Variants in PAIP2 observed in about 807,000 individuals in gnomAD.
PAIP2 encodes poly(A) binding protein interacting protein 2, also known as polyadenylate-binding protein-interacting protein 2.
Under a neutral mutation model 14.8 loss-of-function variants are expected in PAIP2, and 7 were observed. The ratio of observed to expected loss-of-function variants is 0.47; its 90% confidence interval spans 0.27 to 0.89. The LOEUF (loss-of-function observed/expected upper bound fraction) is 0.89, where lower values mean the gene tolerates loss of function less well. PAIP2 is among the 40% of genes least tolerant of loss of function. The probability of loss-of-function intolerance (pLI) is 0.13; values close to 1 mark genes in which losing one functional copy is unlikely to be tolerated. For synonymous variants in PAIP2, 47 were observed against 45.3 expected, an observed-to-expected ratio of 1.04 and a Z score of -0.15; for missense variants, 122 against 154.7, an observed-to-expected ratio of 0.79 and a Z score of 1.12.
intron 1 of PAIP2, among the ~76,000 whole-genome samples, chr5:139,343,746 C>T (rs1002729401): frequency 7.3e-6 from 1 of 136,802 alleles, no homozygotes; most frequent in Admixed American, 7.8e-5. Flanking sequence ...GAGTCTCACT[C>T]TGTCGCCAGG....
At chr5:139,350,399 G>A (rs745547697) in intron 1 of PAIP2, among the ~76,000 whole-genome samples, 3 of 152,048 alleles carry the variant, frequency 2.0e-5, no homozygotes, top group Non-Finnish European at 4.4e-5. Flanking sequence ...TTGGGAGGCC[G>A]AGGTGGGCGG....
chr5:139,356,802 G>T (rs972553632), intron 1 of PAIP2, among the ~76,000 whole-genome samples: 1 of 150,052 alleles, frequency 6.7e-6, no homozygotes, highest in Non-Finnish European at 1.5e-5. Flanking sequence ...CAGGAGAATC[G>T]CTTGAACCCG....
chr5:139,350,489 G>A (rs1380608323), intron 1 of PAIP2, among the ~76,000 whole-genome samples: 2 of 151,874 alleles, frequency 1.3e-5, no homozygotes, highest in African/African-American at 4.8e-5. Flanking sequence ...AAATTAGTGT[G>A]TCATGGTGGC....
rs556352094 is a variant in PAIP2, at chr5:139,368,972, C to T, written c.*174C>T. The T allele has an allele frequency of 9.9e-6, 5 of 506,278 alleles. No individual in the cohort carries two copies. Among genetic ancestry groups the T allele is most frequent in the Non-Finnish European group, 1.4e-5 (4 of 280,070 alleles). The allele number at this position is 506,278 out of a possible 1,614,324, so 31.4% of individuals were successfully genotyped here. A position where few individuals can be genotyped will look rare whatever the true frequency, so the allele number is the denominator to read the frequency against. On this transcript the variant is annotated 3_prime_UTR_variant, in exon 4 of 4. Coordinates refer to ENST00000265192, the MANE Select transcript of PAIP2 (RefSeq NM_016480.5). Reference sequence around the variant, plus strand: ...GCTGAGACTGTTACTAAGTAAAAAGCTGTCAAACATTTACTGAAAATAGAA... The same window carrying T: ...GCTGAGACTGTTACTAAGTAAAAAGTTGTCAAACATTTACTGAAAATAGAA...
At chr5:139,368,658 TGCA>T in intron 3 of PAIP2, 72 bp from the exon 4 acceptor site, 1 of 982,418 alleles carries the variant, frequency 1.0e-6, no homozygotes, top group Non-Finnish European at 1.6e-6. Flanking sequence ...AAGATGTTTT[TGCA>T]TGAGGATCTA....
chr5:139,363,112 G>A (rs1201293776), intron 1 of PAIP2, among the ~76,000 whole-genome samples: 2 of 151,954 alleles, frequency 1.3e-5, no homozygotes, highest in Admixed American at 6.6e-5. Context: ...ATGGTAGCAC[G>A]TGCCTGTAAT....
chr5:139,348,892 TCTTGAA>T (rs1414287765), intron 1 of PAIP2, among the ~76,000 whole-genome samples: 4 of 149,274 alleles, frequency 2.7e-5, no homozygotes, highest in Non-Finnish European at 5.9e-5. Flanking sequence ...GCCAGGCTAG[TCTTGAA>T]CTCCTGACCT....
chr5:139,346,150 C>A (rs1486344886), intron 1 of PAIP2, among the ~76,000 whole-genome samples: 1 of 152,156 alleles, frequency 6.6e-6, no homozygotes, highest in Non-Finnish European at 1.5e-5. Context: ...GGCAGTAGTA[C>A]TGGGAAAAAA....
rs571975758 is a variant in PAIP2 at position 139,347,040 on chromosome 5, C to G, written c.-27+5060C>G. On this transcript the variant is annotated intron_variant, in intron 1 of 3. Transcript: ENST00000265192. ...CCAGGGCCGGTCTCAAACTCCTCAC[C>G]TCAAGTGATCCACCTCCCTTGGCCT... Among the ~76,000 whole-genome samples the G allele has an allele frequency of 6.6e-5, 10 of 152,148 alleles. No individual in the cohort carries two copies. In the South Asian group the frequency reaches 2.1e-3, roughly 32 times the overall value.
chr5:139,363,729 G>A, intron 1 of PAIP2, 30 bp from the exon 2 acceptor site: 6 of 1,591,350 alleles, frequency 3.8e-6, no homozygotes, highest in Non-Finnish European at 5.1e-6. Context: ...GAATGAGTAA[G>A]TAAATTAACT....
In PAIP2 at chr5:139,364,629, A is replaced by G; in HGVS notation, c.204A>G (p.Glu68=). Residue 68 remains glutamate (E), a synonymous_variant, in exon 3 of 4, where the codon GAA becomes GAG. Coordinates refer to ENST00000265192, the MANE Select transcript of PAIP2 (RefSeq NM_016480.5). ...GTTTCCAAGAAATGCTGGAAGAGGA[A>G]GAAGAGCATGAATGGTTTATTCCAG... ...ERCFQEMLEE[E]EEHEWFIPAR... 6.2e-7 allele frequency: 1 copy of G among 1,611,458 alleles called. No homozygotes were observed. The highest frequency in any genetic ancestry group is 8.5e-7 in the Non-Finnish European group (1 of 1,177,592).
chr5:139,352,277 A>G (rs1418019750), intron 1 of PAIP2, among the ~76,000 whole-genome samples: 1 of 100,298 alleles, frequency 1.0e-5, no homozygotes, highest in African/African-American at 2.6e-5. Flanking sequence ...TTTAATGACT[A>G]CTAGATACAT....
chr5:139,351,351 G>A (rs920424760), intron 1 of PAIP2, among the ~76,000 whole-genome samples: 3 of 152,038 alleles, frequency 2.0e-5, no homozygotes, highest in African/African-American at 4.8e-5. Context: ...AAGATTGTGT[G>A]TAATGGCAAA....
chr5:139,363,715 C>T, intron 1 of PAIP2, 44 bp from the exon 2 acceptor site: 2 of 1,556,430 alleles, frequency 1.3e-6, no homozygotes, highest in Non-Finnish European at 1.7e-6. Context: ...AAAGAAAAAA[C>T]CCTGAATGAG....
intron 1 of PAIP2, among the ~76,000 whole-genome samples, chr5:139,359,856 C>A (rs1757018382): frequency 6.6e-6 from 1 of 151,600 alleles, no homozygotes; most frequent in Non-Finnish European, 1.5e-5. Context: ...CCTGTAATCC[C>A]AGCTACACAG....
At position 139,368,735 on chromosome 5, in the gene PAIP2, C is replaced by T; in HGVS notation, c.321C>T (p.Val107=). Reference sequence around the variant, plus strand: ...TTTTTTATGTACTTATTTTCCAGGTCAAGAGCAATCTGAATCCAAATGCAA... The same window carrying T: ...TTTTTTATGTACTTATTTTCCAGGTTAAGAGCAATCTGAATCCAAATGCAA... ...SDGSSLEDLV[V]KSNLNPNAKE... Residue 107 remains valine (V), a splice_region_variant and synonymous_variant, in exon 4 of 4, where the codon GTC becomes GTT. Coordinates refer to ENST00000265192, the MANE Select transcript of PAIP2 (RefSeq NM_016480.5). The T allele has an allele frequency of 6.2e-7, 1 of 1,611,284 alleles. No individual in the cohort carries two copies. Among genetic ancestry groups the T allele is most frequent in the Non-Finnish European group, 8.5e-7 (1 of 1,178,012 alleles).
intron 1 of PAIP2, among the ~76,000 whole-genome samples, chr5:139,353,010 G>C (rs575332985): frequency 6.6e-5 from 10 of 151,614 alleles, no homozygotes; most frequent in Admixed American, 6.6e-4. Context: ...CAGCTGCTCC[G>C]GAGGCTGAGG....
chr5:139,346,399 G>A (rs888832581), intron 1 of PAIP2, among the ~76,000 whole-genome samples: 6 of 151,928 alleles, frequency 3.9e-5, no homozygotes, highest in Admixed American at 3.9e-4. Context: ...GTGCCACCAC[G>A]CCCAGCTAAT....
At chr5:139,354,084 T>C (rs1025081431) in intron 1 of PAIP2, among the ~76,000 whole-genome samples, 1 of 152,170 alleles carries the variant, frequency 6.6e-6, no homozygotes, top group African/African-American at 2.4e-5. Context: ...ATTACAGACT[T>C]TTGTGACTAC....
Sources: gnomAD v4.1 joint callset for allele counts (sites outside exome capture counted in the v4.1 genomes callset) on GRCh38, gnomAD v4.1.1 for gene constraint, MANE v1.5 for transcripts, NCBI Gene and HGNC (gene_info 2026-07-23, HGNC 2026-07-21) for gene names.